The following TMEM132D variants were observed in gnomAD, a reference collection of about 807,000 sequenced individuals.
The protein encoded by TMEM132D is transmembrane protein 132D, also known as mature OL transmembrane protein.
TMEM132D carries 21 observed loss-of-function variants against 62.3 expected under a neutral mutation model. That is an observed-to-expected ratio of 0.34 (90% CI 0.24 to 0.49). The LOEUF (loss-of-function observed/expected upper bound fraction) is 0.49, where lower values mean the gene tolerates loss of function less well. Among genes scored for constraint, TMEM132D ranks in the 20% least tolerant of loss-of-function variants. TMEM132D has a pLI of 0.99. For synonymous variants in TMEM132D, 621 were observed against 575.6 expected, an observed-to-expected ratio of 1.08 and a Z score of -1.13; for missense variants, 1,346 against 1,402.8, an observed-to-expected ratio of 0.96 and a Z score of 0.65.
chr12:129,357,256 AAAAG>A (rs1870096297), intron 3 of TMEM132D, among the ~76,000 whole-genome samples: 1 of 151,224 alleles, frequency 6.6e-6, no homozygotes, highest in Non-Finnish European at 1.5e-5. Flanking sequence ...CAAAAAAAAA[AAAAG>A]AAAAGAAAGA....
chr12:129,695,799 C>G (rs1881192699), intron 2 of TMEM132D, among the ~76,000 whole-genome samples: 1 of 152,240 alleles, frequency 6.6e-6, no homozygotes. Context: ...AAGGAATTCA[C>G]TGTGAGGGCG....
intron 4 of TMEM132D, among the ~76,000 whole-genome samples, chr12:129,243,760 G>A (rs1331151370): frequency 2.0e-5 from 3 of 152,146 alleles, no homozygotes; most frequent in African/African-American, 7.2e-5. Flanking sequence ...TCTTTAGCAT[G>A]AATGAGAAAT....
chr12:129,628,885 T>C (rs1327567681), intron 2 of TMEM132D, among the ~76,000 whole-genome samples: 2 of 151,758 alleles, frequency 1.3e-5, no homozygotes. Context: ...CTACTCTGTC[T>C]CCCTCCCTCT....
intron 2 of TMEM132D, among the ~76,000 whole-genome samples, chr12:129,569,642 C>A (rs1225549496): frequency 6.6e-6 from 1 of 152,120 alleles, no homozygotes; most frequent in Non-Finnish European, 1.5e-5. Flanking sequence ...GCACAAAATA[C>A]AAGTACTGCT....
chr12:129,807,402 C>T (rs1872028269), intron 1 of TMEM132D, among the ~76,000 whole-genome samples: 1 of 152,168 alleles, frequency 6.6e-6, no homozygotes, highest in South Asian at 2.1e-4. Context: ...CCACAATGCT[C>T]TTCAGTCTCC....
chr12:129,784,982 A>G (rs1332765088), intron 1 of TMEM132D, among the ~76,000 whole-genome samples: 1 of 152,186 alleles, frequency 6.6e-6, no homozygotes, highest in Non-Finnish European at 1.5e-5. Context: ...TGTGAATTTC[A>G]TGAGGCCTGA....
In TMEM132D at chr12:129,700,799, T is replaced by G. The variant is rs1881369159; in HGVS notation, c.80-101A>C. The G allele has an allele frequency of 5.3e-6, 7 of 1,324,446 alleles. No individual in the cohort carries two copies. In the South Asian group the frequency reaches 1.1e-4, roughly 20 times the overall value. 82.0% of individuals were successfully genotyped at this position (1,324,446 alleles called of 1,614,324 possible). A position where few individuals can be genotyped will look rare whatever the true frequency, so the allele number is the denominator to read the frequency against. On this transcript the variant is annotated intron_variant, in intron 1 of 8. Coordinates refer to ENST00000422113, the MANE Select transcript of TMEM132D (RefSeq NM_133448.3). ...CCCCTTCATAACAGAGGACCCTGTC[T>G]TCGCGCCAATTATGCAATTCCTTAT...
chr12:129,797,540 G>A (rs1016352900), intron 1 of TMEM132D, among the ~76,000 whole-genome samples: 1 of 152,210 alleles, frequency 6.6e-6, no homozygotes, highest in Non-Finnish European at 1.5e-5. Flanking sequence ...TGCTCGTGGA[G>A]GGGCTCTGGG....
At chr12:129,483,463 C>A (rs982070860) in intron 3 of TMEM132D, among the ~76,000 whole-genome samples, 2 of 152,190 alleles carry the variant, frequency 1.3e-5, no homozygotes, top group African/African-American at 4.8e-5. Flanking sequence ...TCGAGGAACT[C>A]TTACAATATT....
chr12:129,151,688 G>T (rs555222743), intron 5 of TMEM132D, among the ~76,000 whole-genome samples: 6 of 152,252 alleles, frequency 3.9e-5, no homozygotes, highest in South Asian at 2.1e-4. Context: ...CTTGGGATTC[G>T]CTAGACCTTC....
At chr12:129,562,903 A>G (rs570195677) in intron 2 of TMEM132D, among the ~76,000 whole-genome samples, 6 of 152,244 alleles carry the variant, frequency 3.9e-5, no homozygotes, top group Non-Finnish European at 7.3e-5. Flanking sequence ...TGACCAAATC[A>G]GATAAGCATC....
At chr12:129,143,635 G>T (rs1876807745) in intron 5 of TMEM132D, among the ~76,000 whole-genome samples, 1 of 152,212 alleles carries the variant, frequency 6.6e-6, no homozygotes, top group African/African-American at 2.4e-5. Context: ...TGGGAGTGAT[G>T]AGCCTGAACT....
At chr12:129,378,554 CAG>C (rs1256290035) in intron 3 of TMEM132D, among the ~76,000 whole-genome samples, 1 of 152,164 alleles carries the variant, frequency 6.6e-6, no homozygotes, top group African/African-American at 2.4e-5. Flanking sequence ...TTGGTTGAAA[CAG>C]AAAATTAAAT....
chr12:129,663,549 A>G (rs1298740675), intron 2 of TMEM132D, among the ~76,000 whole-genome samples: 1 of 152,164 alleles, frequency 6.6e-6, no homozygotes, highest in African/African-American at 2.4e-5. Flanking sequence ...CCTAGCCACA[A>G]AGTCCTCTAG....
chr12:129,715,457 C>T (rs1376079062), intron 1 of TMEM132D, among the ~76,000 whole-genome samples: 3 of 152,180 alleles, frequency 2.0e-5, no homozygotes, highest in African/African-American at 7.2e-5. Context: ...AAAACTGATG[C>T]ACACCTTTCT....
At chr12:129,602,792 C>T (rs535136660) in intron 2 of TMEM132D, among the ~76,000 whole-genome samples, 1 of 152,230 alleles carries the variant, frequency 6.6e-6, no homozygotes, top group Non-Finnish European at 1.5e-5. Flanking sequence ...TAAAGACACA[C>T]CCAAACTGGG....
chr12:129,501,505 A>T (rs1398710084), intron 3 of TMEM132D, among the ~76,000 whole-genome samples: 6 of 152,148 alleles, frequency 3.9e-5, no homozygotes, highest in South Asian at 2.1e-4. Flanking sequence ...AGATTTTTTT[A>T]ATTTTTTTTA....
chr12:129,094,573 C>G (rs2135630754), intron 5 of TMEM132D, among the ~76,000 whole-genome samples: 1 of 152,326 alleles, frequency 6.6e-6, no homozygotes, highest in Non-Finnish European at 1.5e-5. Flanking sequence ...AACACTTTTA[C>G]ACTGTTGGTG....
chr12:129,892,380 A>G (rs1874954481), intron 1 of TMEM132D, among the ~76,000 whole-genome samples: 1 of 152,158 alleles, frequency 6.6e-6, no homozygotes, highest in Non-Finnish European at 1.5e-5. Context: ...CTGTCTAATA[A>G]CCTCATGCCA....
Sources: allele counts gnomAD v4.1 joint callset (sites outside exome capture counted in the v4.1 genomes callset), GRCh38; gene constraint gnomAD v4.1.1; transcripts MANE v1.5; gene names NCBI Gene and HGNC (gene_info 2026-07-23, HGNC 2026-07-21).